The following ARFGEF2 variants were observed in gnomAD, a reference collection of about 807,000 sequenced individuals.
ARFGEF2 encodes ARF guanine nucleotide exchange factor 2.
A neutral mutation model predicts 219.9 loss-of-function variants in ARFGEF2; 74 were observed. The observed-to-expected ratio is 0.34, with a 90% CI of 0.28 to 0.41. ARFGEF2 has a LOEUF of 0.41. ARFGEF2 is among the 10% of genes least tolerant of loss of function. The pLI is 1.00. For synonymous variants in ARFGEF2, 733 were observed against 799.2 expected (o/e 0.92, Z 1.40); for missense variants, 1,743 against 2,218.3 (o/e 0.79, Z 4.30).
intron 32 of ARFGEF2, 44 bp from the exon 33 acceptor site, chr20:49,017,452 T>G: frequency 6.2e-7 from 1 of 1,612,090 alleles, no homozygotes; most frequent in Non-Finnish European, 8.5e-7. Flanking sequence ...AGCTCCTGAT[T>G]GCCTTTCACA....
At chr20:48,977,600 A>G (rs193134295) in intron 14 of ARFGEF2, among the ~76,000 whole-genome samples, 14 of 152,352 alleles carry the variant, frequency 9.2e-5, no homozygotes, top group Admixed American at 8.5e-4. Context: ...CCAACAGTGT[A>G]AAAGCGTTCC....
At chr20:48,955,964 ATCAG>A (rs746624583) in intron 6 of ARFGEF2, among the ~76,000 whole-genome samples, 2 of 152,150 alleles carry the variant, frequency 1.3e-5, no homozygotes, top group African/African-American at 2.4e-5. Flanking sequence ...CCATCTCTAA[ATCAG>A]TCAGTCAATC....
intron 36 of ARFGEF2, 100 bp from the exon 37 acceptor site, chr20:49,028,430 G>A: frequency 7.5e-7 from 1 of 1,335,804 alleles, no homozygotes; most frequent in South Asian, 1.2e-5. Context: ...GAAAAAAACA[G>A]ATGTTTCATA....
intron 3 of ARFGEF2, among the ~76,000 whole-genome samples, chr20:48,950,302 G>T (rs1264998823): frequency 6.6e-6 from 1 of 151,758 alleles, no homozygotes; most frequent in Non-Finnish European, 1.5e-5. Flanking sequence ...AGGATTCAAC[G>T]TTGAAAAAAA....
At chr20:48,955,880 G>T (rs2091102492) in intron 6 of ARFGEF2, among the ~76,000 whole-genome samples, 1 of 151,898 alleles carries the variant, frequency 6.6e-6, no homozygotes, top group South Asian at 2.1e-4. Context: ...TGAGGCTGCA[G>T]TGTGTCTGTG....
At chr20:48,935,535 T>C (rs1189102174) in intron 1 of ARFGEF2, among the ~76,000 whole-genome samples, 2 of 152,196 alleles carry the variant, frequency 1.3e-5, no homozygotes, top group East Asian at 3.8e-4. Context: ...CTCAATCTTT[T>C]CCCCACCTTT....
chr20:48,952,148 C>CTTTT (rs11475141), intron 4 of ARFGEF2, among the ~76,000 whole-genome samples: 6 of 55,480 alleles, frequency 1.1e-4, no homozygotes, highest in Admixed American at 3.0e-4. Context: ...GAAGTTTGGC[C>CTTTT]TTTTTTTTTT....
chr20:48,930,947 T>C (rs759186186), intron 1 of ARFGEF2, among the ~76,000 whole-genome samples: 2 of 152,100 alleles, frequency 1.3e-5, no homozygotes, highest in African/African-American at 4.8e-5. Context: ...GAGGAAAATA[T>C]GTGGTTATGA....
chr20:49,016,319 T>A lies in ARFGEF2; in HGVS notation c.4219T>A (p.Tyr1407Asn), dbSNP rs1319305357. The change falls in exon 31 of 39, where the codon TAT becomes AAT. Residue 1407 changes from tyrosine to asparagine, a missense_variant. Tyr to Asn is a moderately radical substitution (Grantham distance 143). This residue lies in a region of ARFGEF2 where 578 missense variants were observed against 664.0 expected (regional missense o/e 0.87). Coordinates refer to ENST00000371917, the MANE Select transcript of ARFGEF2 (RefSeq NM_006420.3). ...GACAACAACCTGCAATCACGCACTTTATGCTATTTGTGATGTTTTTACCCA... is the reference window on the plus strand; with the variant it reads ...GACAACAACCTGCAATCACGCACTTAATGCTATTTGTGATGTTTTTACCCA... Reference protein sequence around the residue: ...WMTTTCNHALYAICDVFTQFY... With the variant: ...WMTTTCNHALNAICDVFTQFY... 6.2e-7 allele frequency: 1 copy of A among 1,613,964 alleles called. No individual in the cohort carries two copies. Among genetic ancestry groups the A allele is most frequent in the African/African-American group, 1.3e-5 (1 of 74,926 alleles).
At chr20:49,022,411 A>AAAC (rs137874820) in intron 34 of ARFGEF2, among the ~76,000 whole-genome samples, 23 of 140,044 alleles carry the variant, frequency 1.6e-4, no homozygotes, top group Admixed American at 7.0e-4. Context: ...TCTATTTAAA[A>AAAC]AACAACAACA....
At chr20:48,959,924 T>C (rs775237066) in intron 6 of ARFGEF2, among the ~76,000 whole-genome samples, 2 of 152,106 alleles carry the variant, frequency 1.3e-5, no homozygotes, top group Non-Finnish European at 2.9e-5. Flanking sequence ...TTTTAATGGT[T>C]ATTTATTTTA....
chr20:49,022,233 G>A (rs1256122441), intron 34 of ARFGEF2, among the ~76,000 whole-genome samples: 4 of 151,756 alleles, frequency 2.6e-5, no homozygotes, highest in Admixed American at 6.6e-5. Context: ...ACTCTTAAGG[G>A]ATACAGAAGT....
In ARFGEF2 at chr20:48,964,025, A is replaced by G; in HGVS notation, c.907+127A>G. On this transcript the variant is annotated intron_variant, in intron 7 of 38. Coordinates refer to ENST00000371917, the MANE Select transcript of ARFGEF2 (RefSeq NM_006420.3). ...AACTGGTGGAGCTCATGGAAACTGA[A>G]TCTTCCCACGTCTGCCCATCTTTTA... 4.8e-6 allele frequency: 4 copies of G among 833,122 alleles called. No individual in the cohort carries two copies. The East Asian group carries it at 8.0e-5, about 17-fold the overall frequency. The allele number at this position is 833,122 out of a possible 1,614,324, so 51.6% of individuals were successfully genotyped here.
At chr20:49,020,130 A>G (rs2091557342) in intron 34 of ARFGEF2, among the ~76,000 whole-genome samples, 1 of 152,096 alleles carries the variant, frequency 6.6e-6, no homozygotes, top group Non-Finnish European at 1.5e-5. Flanking sequence ...ATTCAGACAC[A>G]TTTTTGGCAG....
In ARFGEF2 at chr20:48,922,000, G is replaced by A. The variant is rs892511786; in HGVS notation, c.111G>A (p.Gln37=). ...ACTCCCAGCTGCGCAGGGCCTGCCAGGTGGCGCTCGGTGGGTGAGCCGCTC... is the reference window on the plus strand; with the variant it reads ...ACTCCCAGCTGCGCAGGGCCTGCCAAGTGGCGCTCGGTGGGTGAGCCGCTC... ...PQHSQLRRAC[Q]VALDEIKAEI... The change falls in exon 1 of 39, where the codon CAG becomes CAA. Residue 37 remains glutamine, a synonymous_variant. Coordinates refer to ENST00000371917, the MANE Select transcript of ARFGEF2 (RefSeq NM_006420.3). The A allele has an allele frequency of 6.3e-7, 1 of 1,577,642 alleles. No individual in the cohort carries two copies. Among genetic ancestry groups the A allele is most frequent in the Non-Finnish European group, 8.6e-7 (1 of 1,162,344 alleles).
At chr20:48,985,667 G>T (rs149864151) in intron 16 of ARFGEF2, 54 bp downstream of exon 16, 7 of 1,568,188 alleles carry the variant, frequency 4.5e-6, no homozygotes, top group Non-Finnish European at 6.1e-6. Flanking sequence ...GCCTCAGAAC[G>T]CTAATTCTAA....
Position 48,964,895 on chromosome 20 carries a change from A to G in ARFGEF2, c.908-977A>G, listed in dbSNP as rs554720468. Reference sequence around the variant, plus strand: ...AGTACAAATGATCTGACTGTATCACATATAATGTTAAGTATTGTTTCATGA... The same window carrying G: ...AGTACAAATGATCTGACTGTATCACGTATAATGTTAAGTATTGTTTCATGA... On this transcript the variant is annotated intron_variant, in intron 7 of 38. Transcript: ENST00000371917. 3.3e-5 allele frequency among the ~76,000 whole-genome samples: 5 copies of G among 152,330 alleles called. No individual in the cohort carries two copies. The East Asian group carries it at 7.7e-4, about 23-fold the overall frequency.
At chr20:48,979,629 A>G (rs1353074264) in intron 14 of ARFGEF2, among the ~76,000 whole-genome samples, 1 of 152,118 alleles carries the variant, frequency 6.6e-6, no homozygotes, top group Non-Finnish European at 1.5e-5. Flanking sequence ...TTGGTAGGCT[A>G]TTAATTATTG....
intron 13 of ARFGEF2, among the ~76,000 whole-genome samples, chr20:48,975,283 A>G (rs1360079959): frequency 3.9e-5 from 6 of 152,208 alleles, no homozygotes. Flanking sequence ...CCTGGGCTCA[A>G]GCGATCCTCC....
Sources: gnomAD v4.1 joint callset for allele counts (sites outside exome capture counted in the v4.1 genomes callset) on GRCh38, gnomAD v4.1.1 for gene constraint, gnomAD v4.1.1 regional missense constraint, MANE v1.5 for transcripts, NCBI Gene and HGNC (gene_info 2026-07-23, HGNC 2026-07-21) for gene names.